Variants in WNT5B observed in about 807,000 individuals in gnomAD.
The protein encoded by WNT5B is Wnt family member 5B, also known as protein Wnt-5b.
Under a neutral mutation model 36.5 loss-of-function variants are expected in WNT5B, and 18 were observed. That is an observed-to-expected ratio of 0.49 (90% CI 0.34 to 0.73). The LOEUF (loss-of-function observed/expected upper bound fraction) is 0.73, where lower values mean the gene tolerates loss of function less well. WNT5B is among the 30% of genes least tolerant of loss of function. The probability of loss-of-function intolerance (pLI) is 0.01; values close to 1 mark genes in which losing one functional copy is unlikely to be tolerated. For synonymous variants in WNT5B, 213 were observed against 212.3 expected, an observed-to-expected ratio of 1.00 and a Z score of -0.03; for missense variants, 424 against 508.4, an observed-to-expected ratio of 0.83 and a Z score of 1.60.
In WNT5B at chr12:1,645,977, C is replaced by T. The variant is rs1307764751; in HGVS notation, c.805C>T (p.Arg269Cys). The T allele has an allele frequency of 3.7e-6, 6 of 1,611,158 alleles. No homozygotes were observed. Among genetic ancestry groups the T allele is most frequent in the South Asian group, 1.1e-5 (1 of 91,064 alleles). ...RKGRLELVNSRFTQPTPEDLV... is the reference protein window; with the variant it reads ...RKGRLELVNSCFTQPTPEDLV... ...GGGCCGGCTGGAGCTGGTCAACAGCCGCTTCACCCAGCCCACCCCGGAGGA... is the reference window on the plus strand; with the variant it reads ...GGGCCGGCTGGAGCTGGTCAACAGCTGCTTCACCCAGCCCACCCCGGAGGA... Residue 269 changes from arginine to cysteine, a missense_variant, in exon 5 of 5, where the codon CGC becomes TGC. Transcript: ENST00000397196.
intron 4 of WNT5B, among the ~76,000 whole-genome samples, chr12:1,643,259 C>A (rs2094578728): frequency 6.6e-6 from 1 of 152,148 alleles, no homozygotes; most frequent in Non-Finnish European, 1.5e-5. Context: ...AGCCTGGTGC[C>A]TAATCCTGTA....
Position 1,632,823 on chromosome 12 carries a change from A to G in WNT5B, c.246A>G (p.Glu82=), listed in dbSNP as rs1197603169. The part of the protein sequence containing the change: ...IGEGAKTGIK[E]CQHQFRQRRW... Reference sequence around the variant, plus strand: ...AGGGAGCCAAGACTGGCATCAAGGAATGCCAGCACCAGTTCCGGCAGCGGC... The same window carrying G: ...AGGGAGCCAAGACTGGCATCAAGGAGTGCCAGCACCAGTTCCGGCAGCGGC... The change falls in exon 3 of 5, where the codon GAA becomes GAG. Residue 82 remains glutamate, a synonymous_variant. Transcript: ENST00000397196. This position sits in a 1 kb window ranked among gnomAD's most constrained non-coding sequence, Gnocchi z 5.8. 4 of 1,614,100 alleles carry G rather than the reference A, an allele frequency of 2.5e-6. No homozygotes were observed. In the East Asian group the frequency reaches 6.7e-5, roughly 27 times the overall value.
Position 1,630,276 on chromosome 12 carries a change from G to T in WNT5B, c.-58+905G>T. 1.0e-6 allele frequency: 1 copy of T among 977,562 alleles called. No homozygotes were observed. Among genetic ancestry groups the T allele is most frequent in the Non-Finnish European group, 1.2e-6 (1 of 822,738 alleles). 60.6% of individuals were successfully genotyped at this position (977,562 alleles called of 1,614,324 possible). A position where few individuals can be genotyped will look rare whatever the true frequency, so the allele number is the denominator to read the frequency against. On this transcript the variant is annotated intron_variant, in intron 1 of 4. Transcript: ENST00000397196. The surrounding 1 kb of genome is among the most constrained non-coding windows in gnomAD (Gnocchi z 5.3). Reference sequence around the variant, plus strand: ...GGGGGCGCGGGTCACGCCCAGACGGGGGCCCCGGAGGACCGCGGGGGAGCC... The same window carrying T: ...GGGGGCGCGGGTCACGCCCAGACGGTGGCCCCGGAGGACCGCGGGGGAGCC...
intron 1 of WNT5B, among the ~76,000 whole-genome samples, chr12:1,621,134 G>T (rs184806295): frequency 1.3e-5 from 2 of 151,102 alleles, no homozygotes; most frequent in East Asian, 3.9e-4. Flanking sequence ...GTAGCTCATA[G>T]TATGACAATA....
rs777958024 is a variant in WNT5B at position 1,639,826 on chromosome 12, G to T, written c.471G>T (p.Leu157=). ...ARPKDLPRDW[L]WGGCGDNVEY... is the part of the protein sequence containing the mutation. ...CCAAGGACCTGCCCCGGGACTGGCT[G>T]TGGGGCGGCTGTGGGGACAACGTGG... The change falls in exon 4 of 5, where the codon CTG becomes CTT. Residue 157 remains leucine, a synonymous_variant. Transcript: ENST00000397196. The T allele has an allele frequency of 6.2e-7, 1 of 1,613,718 alleles. No homozygotes were observed. The highest frequency in any genetic ancestry group is 1.1e-5 in the South Asian group (1 of 91,080).
intron 3 of WNT5B, 92 bp from the exon 4 acceptor site, chr12:1,639,592 T>G: frequency 1.5e-6 from 2 of 1,372,710 alleles, no homozygotes; most frequent in Non-Finnish European, 1.9e-6. Context: ...AGCAGAGCCG[T>G]GGCGTGCGGG....
In WNT5B at chr12:1,633,534, G is replaced by A. The variant is rs994713337; in HGVS notation, c.328+629G>A. Among the ~76,000 whole-genome samples, 2 of 152,080 alleles carry A rather than the reference G, an allele frequency of 1.3e-5. No individual in the cohort carries two copies. Among genetic ancestry groups the A allele is most frequent in the Admixed American group, 1.3e-4 (2 of 15,266 alleles). The stretch of plus-strand genomic sequence containing the variant: ...TGTCCCTTCCCCTCTCCCACTGCTG[G>A]CCAAGGATTCTTGGGCCACCCTATT... On this transcript the variant is annotated intron_variant, in intron 3 of 4. Coordinates refer to ENST00000397196, the MANE Select transcript of WNT5B (RefSeq NM_032642.3). The surrounding 1 kb of genome is among the most constrained non-coding windows in gnomAD (Gnocchi z 4.8).
At chr12:1,627,759 C>A (rs7958076), upstream of WNT5B, among the ~76,000 whole-genome samples, 382 of 152,260 alleles carry the variant, frequency 2.5e-3, 7 homozygotes, top group African/African-American at 8.9e-3. The surrounding 1 kb of genome is among the most constrained non-coding windows in gnomAD (Gnocchi z 5.0). Flanking sequence ...CTCCCACCAT[C>A]CTGCCTACAC....
rs775876347 is a variant in WNT5B, at chr12:1,618,947, C to T, written c.-58+1804C>T. ...GTGAAGGCCTCAGGAATTGTTTCTG[C>T]GCTCCTGCCACCCTGCACTGTGATT... On this transcript the variant is annotated intron_variant, in intron 1 of 4. Coordinates refer to the WNT5B transcript ENST00000310594. This position sits in a 1 kb window ranked among gnomAD's most constrained non-coding sequence, Gnocchi z 4.1. 7.2e-5 allele frequency among the ~76,000 whole-genome samples: 11 copies of T among 152,140 alleles called. No individual in the cohort carries two copies. Among genetic ancestry groups the T allele is most frequent in the Non-Finnish European group, 1.3e-4 (9 of 68,010 alleles).
At chr12:1,626,637 C>T (rs372858428), upstream of WNT5B, among the ~76,000 whole-genome samples, 16 of 151,156 alleles carry the variant, frequency 1.1e-4, no homozygotes, top group African/African-American at 3.7e-4. Flanking sequence ...CGATCTTGAC[C>T]CACTGCACGC....
At chr12:1,634,570 C>G (rs1399599075) in intron 3 of WNT5B, among the ~76,000 whole-genome samples, 2 of 152,142 alleles carry the variant, frequency 1.3e-5, no homozygotes, top group African/African-American at 4.8e-5. Flanking sequence ...CTCTCTGTGC[C>G]CTATTCCGTT....
At chr12:1,628,538 C>T (rs762447862), upstream of WNT5B, among the ~76,000 whole-genome samples, 3 of 152,160 alleles carry the variant, frequency 2.0e-5, no homozygotes, top group African/African-American at 4.8e-5. Context: ...CCTTTTCCTG[C>T]CTGTTGGGCA....
rs533036052 is a variant in WNT5B at position 1,630,959 on chromosome 12, T to G, written c.-57-339T>G. 10 of 174,326 alleles carry G rather than the reference T, an allele frequency of 5.7e-5. No homozygotes were observed. In the East Asian group the frequency reaches 1.5e-3, roughly 26 times the overall value. The allele number at this position is 174,326 out of a possible 1,614,324, so 10.8% of individuals were successfully genotyped here. Reference sequence around the variant, plus strand: ...TGTTCTGCAGCAAGGACAGGTATGCTTTACAACAGCCGAAGTGGCCTCCCG... The same window carrying G: ...TGTTCTGCAGCAAGGACAGGTATGCGTTACAACAGCCGAAGTGGCCTCCCG... On this transcript the variant is annotated intron_variant, in intron 1 of 4. Transcript: ENST00000397196. This position sits in a 1 kb window ranked among gnomAD's most constrained non-coding sequence, Gnocchi z 5.3.
chr12:1,640,013 A>G (rs773220614), intron 4 of WNT5B, 37 bp downstream of exon 4: 2 of 1,580,002 alleles, frequency 1.3e-6, no homozygotes, highest in Non-Finnish European at 1.7e-6. Context: ...AGCACTGCAG[A>G]CCTAGGGGGC....
intron 1 of WNT5B, among the ~76,000 whole-genome samples, chr12:1,620,864 T>C (rs1473548005): frequency 6.6e-6 from 1 of 150,910 alleles, no homozygotes; most frequent in Non-Finnish European, 1.5e-5. Flanking sequence ...CCACCACCCC[T>C]GGCTAATTTT....
Position 1,639,892 on chromosome 12 carries a change from G to A in WNT5B, c.537G>A (p.Arg179=). The part of the protein sequence containing the change: ...YRFAKEFVDA[R]EREKNFAKGS... ...TCGCCAAGGAGTTTGTGGATGCCCG[G>A]GAGCGAGAGAAGAACTTTGCCAAAG... Residue 179 remains arginine, a synonymous_variant, in exon 4 of 5, where the codon CGG becomes CGA. Coordinates refer to ENST00000397196, the MANE Select transcript of WNT5B (RefSeq NM_032642.3). The A allele has an allele frequency of 6.2e-7, 1 of 1,614,104 alleles. No homozygotes were observed. The highest frequency in any genetic ancestry group is 8.5e-7 in the Non-Finnish European group (1 of 1,179,970).
chr12:1,620,936 C>G (rs112145876), intron 1 of WNT5B, among the ~76,000 whole-genome samples: 50 of 46,278 alleles, frequency 1.1e-3, no homozygotes, highest in Admixed American at 3.9e-3. Flanking sequence ...CTCTTGACCT[C>G]GTAATCTGCC....
In WNT5B at chr12:1,642,474, G is replaced by A. The variant is rs115009066; in HGVS notation, c.621+2498G>A. Among the ~76,000 whole-genome samples the A allele has an allele frequency of 2.6e-5, 4 of 152,152 alleles. No individual in the cohort carries two copies. The South Asian group carries it at 8.3e-4, about 32-fold the overall frequency. On this transcript the variant is annotated intron_variant, in intron 4 of 4. Transcript: ENST00000397196. ...CTTGGTAGGTTGGCGGTAGGTTCCTGTGGGCAGGGATTGCCCTCTCTGCCC... is the reference window on the plus strand; with the variant it reads ...CTTGGTAGGTTGGCGGTAGGTTCCTATGGGCAGGGATTGCCCTCTCTGCCC...
chr12:1,637,121 A>C (rs2094563275), intron 3 of WNT5B, among the ~76,000 whole-genome samples: 2 of 152,144 alleles, frequency 1.3e-5, no homozygotes, highest in South Asian at 4.1e-4. Flanking sequence ...AATTGCTGGG[A>C]TTACAGGTGT....
Sources: gnomAD v4.1 joint callset for allele counts (sites outside exome capture counted in the v4.1 genomes callset) on GRCh38, gnomAD v4.1.1 for gene constraint, Gnocchi (gnomAD v3.1) non-coding constraint, MANE v1.5 for transcripts, NCBI Gene and HGNC (gene_info 2026-07-23, HGNC 2026-07-21) for gene names.